NT5E: variants seen among roughly 807,000 people sequenced by gnomAD.
NT5E encodes 5'-nucleotidase.
A neutral mutation model predicts 55.1 loss-of-function variants in NT5E; 53 were observed. The observed-to-expected ratio is 0.96, with a 90% CI of 0.77 to 1.21. The LOEUF (loss-of-function observed/expected upper bound fraction) is 1.21, where lower values mean the gene tolerates loss of function less well. NT5E is among the 50% of genes most tolerant of loss of function. NT5E has a pLI of 0.00. For synonymous variants in NT5E, 270 were observed against 278.4 expected (o/e 0.97, Z 0.30); for missense variants, 683 against 724.3 (o/e 0.94, Z 0.65).
Position 85,485,449 on chromosome 6 carries a change from G to A in NT5E, c.949+17G>A, listed in dbSNP as rs761632033. The A allele has an allele frequency of 7.4e-5, 119 of 1,611,434 alleles. No homozygotes were observed. Among genetic ancestry groups the A allele is most frequent in the Non-Finnish European group, 9.4e-5 (111 of 1,177,688 alleles). On this transcript the variant is annotated intron_variant, in intron 4 of 8. Transcript: ENST00000257770. ...TTCCTGAAGGTAAGTGAAGTTCAGG[G>A]GAATGTTCCACCAATCTAAAATTTA...
rs1371385472 is a variant in NT5E at position 85,450,954 on chromosome 6, G to T, written c.339+476G>T. Among the ~76,000 whole-genome samples the T allele has an allele frequency of 6.6e-6, 1 of 152,242 alleles. No homozygotes were observed. Among genetic ancestry groups the T allele is most frequent in the Non-Finnish European group, 1.5e-5 (1 of 68,048 alleles). On this transcript the variant is annotated intron_variant, in intron 1 of 8. Transcript: ENST00000257770. The surrounding 1 kb of genome is among the most constrained non-coding windows in gnomAD (Gnocchi z 4.0). ...ACCATCCCCGCAAAAAGGGAGACGT[G>T]ATAAGAATGGACACCAGATCTCTTT...
chr6:85,493,447 CATCAT>C (rs1769828947), intron 8 of NT5E, among the ~76,000 whole-genome samples: 1 of 152,132 alleles, frequency 6.6e-6, no homozygotes, highest in Non-Finnish European at 1.5e-5. Flanking sequence ...CCCCAAGTCC[CATCAT>C]CAATTACATG....
At chr6:85,455,849 A>G (rs1768978752) in intron 1 of NT5E, among the ~76,000 whole-genome samples, 1 of 152,174 alleles carries the variant, frequency 6.6e-6, no homozygotes, top group Admixed American at 6.5e-5. Flanking sequence ...GGGAAATCCC[A>G]CACACATCTG....
chr6:85,480,238 C>A (rs962133567), intron 3 of NT5E, among the ~76,000 whole-genome samples: 1 of 152,152 alleles, frequency 6.6e-6, no homozygotes, highest in African/African-American at 2.4e-5. Context: ...GGCTTTGTGC[C>A]CACTCTGTAT....
chr6:85,490,547 T>C lies in NT5E; in HGVS notation c.1250T>C (p.Phe417Ser). 6.2e-7 allele frequency: 1 copy of C among 1,614,230 alleles called. No homozygotes were observed. Among genetic ancestry groups the C allele is most frequent in the South Asian group, 1.1e-5 (1 of 91,090 alleles). Residue 417 changes from phenylalanine (F) to serine (S), a missense_variant, in exon 7 of 9, where the codon TTT (phenylalanine) becomes TCT (serine). Transcript: ENST00000257770. ...GAGAACCTGGCTGCTGTATTGCCCTTTGGAGGCACATTTGACCTAGTCCAG... is the reference window on the plus strand; with the variant it reads ...GAGAACCTGGCTGCTGTATTGCCCTCTGGAGGCACATTTGACCTAGTCCAG... ...TWENLAAVLP[F>S]GGTFDLVQLK...
chr6:85,482,330 C>A (rs533096935), intron 3 of NT5E, among the ~76,000 whole-genome samples: 1 of 147,734 alleles, frequency 6.8e-6, no homozygotes, highest in South Asian at 2.1e-4. Flanking sequence ...CAGAATGAGA[C>A]CCTGTTGAAA....
intron 3 of NT5E, among the ~76,000 whole-genome samples, chr6:85,472,908 C>CT (rs891942140): frequency 1.5e-3 from 225 of 147,502 alleles, no homozygotes; most frequent in African/African-American, 4.3e-3. Context: ...AGTAGTAGGG[C>CT]TTTTTTTTTT....
intron 7 of NT5E, 68 bp downstream of exon 7, chr6:85,490,725 C>A (rs1582388664): frequency 1.3e-6 from 2 of 1,575,998 alleles, no homozygotes; most frequent in East Asian, 4.5e-5. Flanking sequence ...GTTGGCTCAG[C>A]TTCCCCTTCA....
At chr6:85,491,384 T>C in intron 7 of NT5E, 1 of 324,238 alleles carries the variant, frequency 3.1e-6, no homozygotes, top group South Asian at 2.5e-5. Context: ...CAGATAGAAT[T>C]GCTTTCCTGA....
intron 3 of NT5E, among the ~76,000 whole-genome samples, chr6:85,472,745 T>A (rs1769340824): frequency 6.6e-6 from 1 of 152,210 alleles, no homozygotes; most frequent in African/African-American, 2.4e-5. Context: ...ACTCACAAAC[T>A]AAAGTTGGCC....
intron 7 of NT5E, chr6:85,491,470 T>A (rs1251841765): frequency 3.3e-6 from 1 of 299,406 alleles, no homozygotes; most frequent in Admixed American, 4.9e-5. Flanking sequence ...CTAATGCCTA[T>A]GGGGCAACCC....
chr6:85,477,699 CA>C (rs1769463859), intron 3 of NT5E, among the ~76,000 whole-genome samples: 1 of 152,160 alleles, frequency 6.6e-6, no homozygotes, highest in South Asian at 2.1e-4. Context: ...AACGAGAAAA[CA>C]ATCTTATTAC....
At position 85,450,314 on chromosome 6, in the gene NT5E, G is replaced by A; in HGVS notation, c.175G>A (p.Gly59Ser). The A allele has an allele frequency of 1.2e-6, 2 of 1,603,798 alleles. No homozygotes were observed. Among genetic ancestry groups the A allele is most frequent in the South Asian group, 1.1e-5 (1 of 88,994 alleles). The change falls in exon 1 of 9, where the codon GGT becomes AGT. Residue 59 changes from glycine (G) to serine (S), a missense_variant. Coordinates refer to ENST00000257770, the MANE Select transcript of NT5E (RefSeq NM_002526.4). This position sits in a 1 kb window ranked among gnomAD's most constrained non-coding sequence, Gnocchi z 4.0. ...GTGCGTCAACGCCAGCCGCTGCATG[G>A]GTGGCGTGGCTCGGCTCTTCACCAA... ...SKCVNASRCM[G>S]GVARLFTKVQ...
intron 5 of NT5E, 21 bp downstream of exon 5, chr6:85,487,510 G>T: frequency 6.2e-7 from 1 of 1,613,976 alleles, no homozygotes. Flanking sequence ...AGCAGGAGTG[G>T]ACATATGCTA....
intron 3 of NT5E, among the ~76,000 whole-genome samples, chr6:85,484,601 C>A (rs1769611821): frequency 6.6e-6 from 1 of 152,170 alleles, no homozygotes; most frequent in African/African-American, 2.4e-5. Flanking sequence ...TGAAGGGATG[C>A]AGAATTTAGC....
At chr6:85,454,171 T>G (rs1768945352) in intron 1 of NT5E, among the ~76,000 whole-genome samples, 1 of 152,180 alleles carries the variant, frequency 6.6e-6, no homozygotes, top group Non-Finnish European at 1.5e-5. Context: ...ATAATGCTGC[T>G]CCAGATATCT....
At chr6:85,456,490 G>A (rs1768994530) in intron 1 of NT5E, among the ~76,000 whole-genome samples, 1 of 152,194 alleles carries the variant, frequency 6.6e-6, no homozygotes, top group South Asian at 2.1e-4. Context: ...TGTGGGATCT[G>A]ATGCTAAGTC....
intron 3 of NT5E, among the ~76,000 whole-genome samples, chr6:85,475,620 A>G (rs1266196580): frequency 6.6e-6 from 1 of 152,218 alleles, no homozygotes; most frequent in Non-Finnish European, 1.5e-5. Context: ...AAAAAGTAGT[A>G]AAATCAGTGC....
chr6:85,492,028 A>C lies in NT5E; in HGVS notation c.1412A>C (p.Lys471Thr). The C allele has an allele frequency of 1.2e-6, 2 of 1,614,224 alleles. No individual in the cohort carries two copies. Among genetic ancestry groups the C allele is most frequent in the Non-Finnish European group, 1.7e-6 (2 of 1,180,032 alleles). ...CGAAAACCTGGAGACAGAGTAGTCA[A>C]ATTAGATGTTCTTTGCACCAAGTGT... ...LSRKPGDRVV[K>T]LDVLCTKCRV... is the part of the protein sequence containing the mutation. Residue 471 changes from lysine (K) to threonine (T), a missense_variant, in exon 8 of 9, where the codon AAA becomes ACA. Lys to Thr is a moderately conservative substitution (Grantham distance 78). Transcript: ENST00000257770.
Sources: allele counts gnomAD v4.1 joint callset (sites outside exome capture counted in the v4.1 genomes callset), GRCh38; gene constraint gnomAD v4.1.1; non-coding constraint Gnocchi (gnomAD v3.1); transcripts MANE v1.5; gene names NCBI Gene and HGNC (gene_info 2026-07-23, HGNC 2026-07-21).